TUBGCP6: variants seen among roughly 807,000 people sequenced by gnomAD.
The protein encoded by TUBGCP6 is tubulin gamma complex component 6, also known as gamma-tubulin complex component 6.
TUBGCP6 carries 161 observed loss-of-function variants against 175.8 expected under a neutral mutation model. The ratio of observed to expected loss-of-function variants is 0.92; its 90% CI spans 0.81 to 1.04. The LOEUF is 1.04. Ranked by LOEUF, TUBGCP6 falls within the 50% of genes least tolerant of loss-of-function variation. The pLI, the probability that TUBGCP6 is intolerant of heterozygous loss-of-function variation, is 0.00. For missense variants in TUBGCP6, 2,572 were observed against 2,433.0 expected, an observed-to-expected ratio of 1.06 and a Z score of -1.20; for synonymous variants, 1,173 against 1,030.5, an observed-to-expected ratio of 1.14 and a Z score of -2.65.
In TUBGCP6 at chr22:50,220,470, G is replaced by T. The variant is rs909274169; in HGVS notation, c.3889C>A (p.Pro1297Thr). 10 of 1,613,004 alleles carry T rather than the reference G, an allele frequency of 6.2e-6. No individual in the cohort carries two copies. The highest frequency in any genetic ancestry group is 1.7e-5 in the Admixed American group (1 of 59,986). The change falls in exon 16 of 25, where the codon CCC becomes ACC. Residue 1297 changes from proline to threonine, a missense_variant. Coordinates refer to ENST00000248846, the MANE Select transcript of TUBGCP6 (RefSeq NM_020461.4). ...EPNTPRPQQS[P>T]PGHTSQSALS... ...GCTGACTGGGACGTGTGGCCAGGGG[G>T]GCTCTGTTGGGGCCTGGGTGTGTTG...
At chr22:50,237,507 G>C (rs760646630) in intron 2 of TUBGCP6, among the ~76,000 whole-genome samples, 2 of 152,256 alleles carry the variant, frequency 1.3e-5, no homozygotes, top group Admixed American at 6.5e-5. Context: ...TCCAGCCACT[G>C]TGTGGCCCTG....
chr22:50,225,613 G>A (rs5771246), intron 10 of TUBGCP6, among the ~76,000 whole-genome samples, 181 bp downstream of exon 10: 6 of 64,052 alleles, frequency 9.4e-5, no homozygotes, highest in African/African-American at 1.8e-4. Flanking sequence ...TCAACTCCCC[G>A]TTGACACCCA....
chr22:50,224,569 T>C lies in TUBGCP6; in HGVS notation c.2007A>G (p.Lys669=), dbSNP rs2064578332. 1 of 1,614,084 alleles carries C rather than the reference T, an allele frequency of 6.2e-7. No homozygotes were observed. Among genetic ancestry groups the C allele is most frequent in the African/African-American group, 1.3e-5 (1 of 75,046 alleles). ...CCCGGGCATGAGCGATTAATTCTTG[T>C]TTTGCAATTTCCATACGTAATTCCT... The part of the protein sequence containing the change: ...EEKELRMEIA[K]QELIAHAREA... The change falls in exon 11 of 25, where the codon AAA becomes AAG. Residue 669 remains lysine (K), a synonymous_variant. Coordinates refer to ENST00000248846, the MANE Select transcript of TUBGCP6 (RefSeq NM_020461.4).
At chr22:50,232,661 C>T (rs536389764) in intron 3 of TUBGCP6, among the ~76,000 whole-genome samples, 2 of 152,228 alleles carry the variant, frequency 1.3e-5, no homozygotes, top group African/African-American at 2.4e-5. Flanking sequence ...CCCTCAGCGC[C>T]GGCAGCAGCT....
In TUBGCP6 at chr22:50,222,609, G is replaced by C. The variant is rs2064547571; in HGVS notation, c.2271-17C>G. 3 of 1,607,932 alleles carry C rather than the reference G, an allele frequency of 1.9e-6. No individual in the cohort carries two copies. Among genetic ancestry groups the C allele is most frequent in the Non-Finnish European group, 2.5e-6 (3 of 1,179,464 alleles). On this transcript the variant is annotated splice_polypyrimidine_tract_variant and intron_variant, in intron 13 of 24. Coordinates refer to ENST00000248846, the MANE Select transcript of TUBGCP6 (RefSeq NM_020461.4). ...AGTGCCTGCCTGAAGCCACACACCA[G>C]AGAGGACACGGCCACAAGAGTCACC... is the stretch of plus-strand genomic sequence containing the variant.
At chr22:50,226,425 G>A in intron 7 of TUBGCP6, 47 bp from the exon 8 acceptor site, 1 of 1,541,164 alleles carries the variant, frequency 6.5e-7, no homozygotes, top group Non-Finnish European at 8.8e-7. Flanking sequence ...CGGAGAGGTG[G>A]GTGGGGCGTG....
rs1426388817 is a variant in TUBGCP6 at position 50,224,498 on chromosome 22, TG to T, written c.2065+12del. On this transcript the variant is annotated intron_variant, in intron 11 of 24. Coordinates refer to ENST00000248846, the MANE Select transcript of TUBGCP6 (RefSeq NM_020461.4). ...CCCCGGAACTGCAGAAGGGAGGACT[TG>T]GGGCCACTCACCACTCAGTGCACTC... 6.2e-7 allele frequency: 1 copy of T among 1,614,008 alleles called. No homozygotes were observed. The highest frequency in any genetic ancestry group is 8.5e-7 in the Non-Finnish European group (1 of 1,180,036).
chr22:50,224,683 G>T, intron 10 of TUBGCP6, 91 bp from the exon 11 acceptor site: 1 of 1,254,462 alleles, frequency 8.0e-7, no homozygotes, highest in South Asian at 1.2e-5. Flanking sequence ...GAGGTGGGTA[G>T]ATCACATGAG....
chr22:50,227,216 C>T (rs1403563302), intron 5 of TUBGCP6, 139 bp from the exon 6 acceptor site: 2 of 740,400 alleles, frequency 2.7e-6, no homozygotes, highest in Non-Finnish European at 4.4e-6. Context: ...AAACCACAGG[C>T]ACCCCAACCA....
rs1335545476 is a variant in TUBGCP6 at position 50,244,007 on chromosome 22, G to A, written c.453C>T (p.Asp151=). The A allele has an allele frequency of 6.2e-7, 1 of 1,614,146 alleles. No homozygotes were observed. The highest frequency in any genetic ancestry group is 1.7e-5 in the Admixed American group (1 of 60,030). The change falls in exon 1 of 25, where the codon GAC becomes GAT. Residue 151 remains aspartate (D), a synonymous_variant. Transcript: ENST00000248846. The part of the protein sequence containing the change: ...RNVPYSGYDC[D]DLSVFEMDVQ... Reference sequence around the variant, plus strand: ...CGTCCATCTCAAACACACTCAGGTCGTCGCAATCATAGCCGCTGTACGGAA... The same window carrying A: ...CGTCCATCTCAAACACACTCAGGTCATCGCAATCATAGCCGCTGTACGGAA...
rs959557413 is a variant in TUBGCP6, at chr22:50,244,614, G to A, written c.-155C>T. On this transcript the variant is annotated 5_prime_UTR_variant, in exon 1 of 25. Coordinates refer to ENST00000248846, the MANE Select transcript of TUBGCP6 (RefSeq NM_020461.4). ...AGCTCAGAACTGGTATTTTTTAAAG[G>A]AGGTCTTGCGGTTGCTCTACTCAGA... 18 of 1,293,780 alleles carry A rather than the reference G, an allele frequency of 1.4e-5. No homozygotes were observed. Among genetic ancestry groups the A allele is most frequent in the Non-Finnish European group, 1.7e-5 (17 of 971,818 alleles). The allele number at this position is 1,293,780 out of a possible 1,614,324, so 80.1% of individuals were successfully genotyped here.
intron 1 of TUBGCP6, among the ~76,000 whole-genome samples, chr22:50,242,023 G>A (rs1245041296): frequency 7.5e-5 from 11 of 147,540 alleles, no homozygotes; most frequent in African/African-American, 1.8e-4. Context: ...CAATCAGGCC[G>A]GGCTCACGCC....
At position 50,243,805 on chromosome 22, in the gene TUBGCP6, C is replaced by T. The variant is rs137934849; in HGVS notation, c.655G>A (p.Val219Met). The change falls in exon 1 of 25, where the codon GTG becomes ATG. Residue 219 changes from valine (V) to methionine (M), a missense_variant. Physicochemically the swap from Val to Met is conservative, Grantham distance 21. Coordinates refer to ENST00000248846, the MANE Select transcript of TUBGCP6 (RefSeq NM_020461.4). Reference protein sequence around the residue: ...DTRVSLFGALVHSRTYDMDVR... With the variant: ...DTRVSLFGALMHSRTYDMDVR... ...TCCATGTCATAAGTGCGGCTGTGCA[C>T]AAGGGCCCCGAAGAGCGAGACCCGG... 1.2e-6 allele frequency: 2 copies of T among 1,613,680 alleles called. No individual in the cohort carries two copies. The highest frequency in any genetic ancestry group is 1.3e-5 in the African/African-American group (1 of 75,014).
At chr22:50,240,133 C>A (rs776838539) in intron 2 of TUBGCP6, 71 bp downstream of exon 2, 5 of 1,596,594 alleles carry the variant, frequency 3.1e-6, no homozygotes, top group Non-Finnish European at 4.3e-6. Context: ...ACGCCCCCCA[C>A]ACACCCCATC....
At position 50,221,460 on chromosome 22, in the gene TUBGCP6, G is replaced by A. The variant is rs1282139830; in HGVS notation, c.2899C>T (p.Pro967Ser). The A allele has an allele frequency of 3.1e-6, 5 of 1,593,940 alleles. No homozygotes were observed. The East Asian group carries it at 9.1e-5, about 29-fold the overall frequency. The change falls in exon 16 of 25, where the codon CCA (proline) becomes TCA (serine). Residue 967 changes from proline (P) to serine (S), a missense_variant. Transcript: ENST00000248846. ...CACTCTGCAGCCTGCAGGGGCCCTGGTGCAGGTGAGGTGGCCACAGCTGGC... is the reference window on the plus strand; with the variant it reads ...CACTCTGCAGCCTGCAGGGGCCCTGATGCAGGTGAGGTGGCCACAGCTGGC... ...LRPAVATSPA[P>S]GPLQAAECSL...
rs1403256344 is a variant in TUBGCP6, at chr22:50,244,339, C to A, written c.121G>T (p.Ala41Ser). Reference sequence around the variant, plus strand: ...AGATTTGTGAAAAGAGCATTGTAGGCCACCTTCTTGAGGCTCCGCTTTGCC... The same window carrying A: ...AGATTTGTGAAAAGAGCATTGTAGGACACCTTCTTGAGGCTCCGCTTTGCC... Reference protein sequence around the residue: ...KRAKRSLKKVAYNALFTNLFQ... With the variant: ...KRAKRSLKKVSYNALFTNLFQ... The change falls in exon 1 of 25, where the codon GCC becomes TCC. Residue 41 changes from alanine to serine, a missense_variant. Transcript: ENST00000248846. 1.9e-6 allele frequency: 3 copies of A among 1,613,438 alleles called. No homozygotes were observed. The highest frequency in any genetic ancestry group is 2.7e-5 in the African/African-American group (2 of 74,948).
chr22:50,231,946 C>T (rs1293680598), intron 3 of TUBGCP6, among the ~76,000 whole-genome samples: 3 of 151,696 alleles, frequency 2.0e-5, no homozygotes, highest in Admixed American at 1.3e-4. Flanking sequence ...AGGGGCCGGG[C>T]GTGGCGGCTC....
Position 50,218,004 on chromosome 22 carries a change from C to G in TUBGCP6, c.5282G>C (p.Gly1761Ala). 3.7e-6 allele frequency: 6 copies of G among 1,611,932 alleles called. No homozygotes were observed. The highest frequency in any genetic ancestry group is 4.2e-6 in the Non-Finnish European group (5 of 1,179,314). The stretch of plus-strand genomic sequence containing the variant: ...GTTGGGGTGCTCTGCACCCCGCGGG[C>G]CCCCAGGGGGCCCCCAGGCCTGGGA... ...LISQAWGPPG[G>A]PRGAEHPNFA... The change falls in exon 24 of 25, where the codon GGC becomes GCC. Residue 1761 changes from glycine (G) to alanine (A), a missense_variant. Gly to Ala is a moderately conservative substitution (Grantham distance 60). Transcript: ENST00000248846.
chr22:50,224,427 T>C lies in TUBGCP6; in HGVS notation c.2066-7A>G, dbSNP rs372972269. 2 of 1,614,036 alleles carry C rather than the reference T, an allele frequency of 1.2e-6. No homozygotes were observed. Among genetic ancestry groups the C allele is most frequent in the Non-Finnish European group, 1.7e-6 (2 of 1,180,038 alleles). On this transcript the variant is annotated splice_region_variant and splice_polypyrimidine_tract_variant and intron_variant, in intron 11 of 24. Coordinates refer to ENST00000248846, the MANE Select transcript of TUBGCP6 (RefSeq NM_020461.4). ...CGTTCTGACATCTGCCGGTCTACAT[T>C]GGGACAGTAAGGGGCGCACTGTCAC...
Sources: allele counts gnomAD v4.1 joint callset (sites outside exome capture counted in the v4.1 genomes callset), GRCh38; gene constraint gnomAD v4.1.1; transcripts MANE v1.5; gene names NCBI Gene and HGNC (gene_info 2026-07-23, HGNC 2026-07-21).